The following PRKCE variants were observed in gnomAD, a reference collection of about 807,000 sequenced individuals.
PRKCE encodes the protein protein kinase C epsilon type.
PRKCE carries 16 observed loss-of-function variants against 85.4 expected under a neutral mutation model. That is an observed-to-expected ratio of 0.19 (90% CI 0.13 to 0.28). PRKCE has a LOEUF of 0.28. PRKCE is among the 10% of genes least tolerant of loss of function. The pLI, the probability that PRKCE is intolerant of heterozygous loss-of-function variation, is 1.00. For synonymous variants in PRKCE, 388 were observed against 371.5 expected (o/e 1.04, Z -0.51); for missense variants, 573 against 975.2 (o/e 0.59, Z 5.49).
chr2:45,693,746 C>G (rs1677925811), intron 1 of PRKCE, among the ~76,000 whole-genome samples: 1 of 152,068 alleles, frequency 6.6e-6, no homozygotes, highest in African/African-American at 2.4e-5. Flanking sequence ...TGGACCGTCA[C>G]CCCTGAGAGG....
intron 1 of PRKCE, among the ~76,000 whole-genome samples, chr2:45,841,484 C>G (rs1026260769): frequency 1.3e-5 from 2 of 152,224 alleles, no homozygotes; most frequent in Non-Finnish European, 2.9e-5. Context: ...GAAAACTCAG[C>G]AAGCCTAGTC....
chr2:46,080,255 G>A (rs534591286), intron 10 of PRKCE, among the ~76,000 whole-genome samples: 1 of 152,266 alleles, frequency 6.6e-6, no homozygotes, highest in South Asian at 2.1e-4. Flanking sequence ...TGTTAGATTT[G>A]GAGGTCAGAA....
Position 45,980,552 on chromosome 2 carries a change from C to T in PRKCE, c.693+171C>T, listed in dbSNP as rs543621120. Among the ~76,000 whole-genome samples, 5 of 152,294 alleles carry T rather than the reference C, an allele frequency of 3.3e-5. No homozygotes were observed. The East Asian group carries it at 7.7e-4, about 23-fold the overall frequency. On this transcript the variant is annotated intron_variant, in intron 5 of 14. Coordinates refer to ENST00000306156, the MANE Select transcript of PRKCE (RefSeq NM_005400.3). ...CGGTCTTCTGGCATGAGACACCATC[C>T]GCAGGATGAGCACAGGTCCAAGTCA...
chr2:45,994,444 A>G (rs1010936352), intron 6 of PRKCE, among the ~76,000 whole-genome samples: 10 of 152,076 alleles, frequency 6.6e-5, no homozygotes, highest in African/African-American at 2.4e-4. Flanking sequence ...CTGCTTCTTC[A>G]TCCCTCCCTC....
intron 1 of PRKCE, among the ~76,000 whole-genome samples, chr2:45,736,828 T>C (rs970277303): frequency 5.3e-5 from 8 of 152,224 alleles, no homozygotes; most frequent in Non-Finnish European, 7.3e-5. Context: ...TAAGCGACTG[T>C]GGATTCTGCA....
intron 10 of PRKCE, among the ~76,000 whole-genome samples, chr2:46,028,102 C>T (rs993510966): frequency 5.9e-5 from 9 of 152,118 alleles, no homozygotes; most frequent in East Asian, 5.8e-4. Context: ...CCACTGCACC[C>T]GGCTGACTTT....
At chr2:46,056,376 C>G (rs769824449) in intron 10 of PRKCE, among the ~76,000 whole-genome samples, 1 of 152,032 alleles carries the variant, frequency 6.6e-6, no homozygotes. Context: ...ACCTCTGGCC[C>G]GTTTGCCCCT....
intron 1 of PRKCE, among the ~76,000 whole-genome samples, chr2:45,660,501 G>A (rs1262856547): frequency 1.3e-5 from 2 of 152,160 alleles, no homozygotes; most frequent in African/African-American, 4.8e-5. Flanking sequence ...CATTTGCAGA[G>A]TTTAAATGAA....
chr2:45,996,859 T>C (rs1226464204), intron 6 of PRKCE, among the ~76,000 whole-genome samples: 1 of 152,172 alleles, frequency 6.6e-6, no homozygotes, highest in African/African-American at 2.4e-5. Flanking sequence ...TTAGGATATA[T>C]TCTGTCTGTT....
At chr2:46,098,758 T>A (rs1558452832) in intron 11 of PRKCE, among the ~76,000 whole-genome samples, 1 of 152,256 alleles carries the variant, frequency 6.6e-6, no homozygotes, top group Non-Finnish European at 1.5e-5. Context: ...GTTTCTTCAA[T>A]GCCTTTGGCT....
chr2:45,692,535 AT>A (rs35882508), intron 1 of PRKCE, among the ~76,000 whole-genome samples: 4 of 152,180 alleles, frequency 2.6e-5, no homozygotes, highest in Non-Finnish European at 5.9e-5. Context: ...ATCAGGTCAC[AT>A]TCATCAGTAC....
At chr2:46,175,530 G>T (rs149970667) in intron 14 of PRKCE, among the ~76,000 whole-genome samples, 1 of 152,298 alleles carries the variant, frequency 6.6e-6, no homozygotes, top group East Asian at 1.9e-4. Context: ...GCCTACTAAT[G>T]TCCCCATTTT....
intron 6 of PRKCE, chr2:46,000,791 A>G (rs745369487): frequency 1.3e-5 from 2 of 152,230 alleles, no homozygotes; most frequent in Non-Finnish European, 2.9e-5. Context: ...TTGTTCCTAC[A>G]GAGGTTTCTG....
At chr2:45,715,211 G>A (rs1331418207) in intron 1 of PRKCE, among the ~76,000 whole-genome samples, 1 of 152,232 alleles carries the variant, frequency 6.6e-6, no homozygotes, top group African/African-American at 2.4e-5. Flanking sequence ...AGGAAGCAGA[G>A]GAGTGCCCAC....
At chr2:46,180,996 T>C (rs1454623024) in intron 14 of PRKCE, among the ~76,000 whole-genome samples, 7 of 152,142 alleles carry the variant, frequency 4.6e-5, no homozygotes, top group Non-Finnish European at 1.0e-4. Context: ...TCTCTCAGGC[T>C]CTGCAGTGGG....
At chr2:46,143,371 C>T (rs145038859) in intron 11 of PRKCE, among the ~76,000 whole-genome samples, 67 of 152,214 alleles carry the variant, frequency 4.4e-4, no homozygotes, top group Non-Finnish European at 8.7e-4. Context: ...GGGGCCCCAG[C>T]TGTCAGCTTC....
chr2:46,069,023 A>T (rs1162400862), intron 10 of PRKCE, among the ~76,000 whole-genome samples: 1 of 152,188 alleles, frequency 6.6e-6, no homozygotes, highest in Admixed American at 6.5e-5. Context: ...TTATGCTATA[A>T]AAACTGTCCA....
chr2:45,865,702 C>T (rs1178870867), intron 2 of PRKCE, among the ~76,000 whole-genome samples: 1 of 152,096 alleles, frequency 6.6e-6, no homozygotes, highest in Non-Finnish European at 1.5e-5. Context: ...TGTGGAGTCT[C>T]ACAATATTGG....
At chr2:45,759,013 C>G (rs1375700046) in intron 1 of PRKCE, among the ~76,000 whole-genome samples, 1 of 152,104 alleles carries the variant, frequency 6.6e-6, no homozygotes, top group African/African-American at 2.4e-5. Flanking sequence ...AGGAGAGCTT[C>G]CGGGTCATGC....
Sources: allele counts gnomAD v4.1 joint callset (sites outside exome capture counted in the v4.1 genomes callset), GRCh38; gene constraint gnomAD v4.1.1; transcripts MANE v1.5; gene names NCBI Gene and HGNC (gene_info 2026-07-23, HGNC 2026-07-21).